The following FBXL5 variants were observed in gnomAD, a reference collection of about 807,000 sequenced individuals.
FBXL5 encodes the protein F-box and leucine rich repeat protein 5, also known as F-box/LRR-repeat protein 5.
In FBXL5, 26 loss-of-function variants were observed where a neutral mutation model predicts 78.3. The observed-to-expected ratio is 0.33, with a 90% CI of 0.24 to 0.46. The LOEUF is 0.46. Among genes scored for constraint, FBXL5 ranks in the 20% least tolerant of loss-of-function variants. The probability of loss-of-function intolerance (pLI) is 1.00; values close to 1 mark genes in which losing one functional copy is unlikely to be tolerated. For synonymous variants in FBXL5, 295 were observed against 282.5 expected (o/e 1.04, Z -0.45); for missense variants, 710 against 829.2 (o/e 0.86, Z 1.77).
chr4:15,609,812 G>A (rs1722122071), intron 10 of FBXL5, among the ~76,000 whole-genome samples: 1 of 151,946 alleles, frequency 6.6e-6, no homozygotes, highest in Non-Finnish European at 1.5e-5. Context: ...GTCTTGCACT[G>A]TACTGGGCAC....
chr4:15,623,451 G>A (rs1712682995), intron 9 of FBXL5, among the ~76,000 whole-genome samples: 1 of 151,930 alleles, frequency 6.6e-6, no homozygotes, highest in Admixed American at 6.6e-5. Context: ...TGGTCATACT[G>A]AAAATGCAAA....
At chr4:15,606,049 C>G (rs921294295) in intron 10 of FBXL5, among the ~76,000 whole-genome samples, 1 of 152,034 alleles carries the variant, frequency 6.6e-6, no homozygotes, top group African/African-American at 2.4e-5. Context: ...TTAGCAACAA[C>G]TTACAATATA....
chr4:15,635,270 T>C (rs1220284151), intron 5 of FBXL5, among the ~76,000 whole-genome samples: 1 of 150,508 alleles, frequency 6.6e-6, no homozygotes, highest in Admixed American at 6.6e-5. Flanking sequence ...GAGGTGGAGG[T>C]TGCAGTGATC....
chr4:15,635,216 G>T (rs530790392), intron 5 of FBXL5, among the ~76,000 whole-genome samples: 1 of 151,276 alleles, frequency 6.6e-6, no homozygotes, highest in African/African-American at 2.4e-5. Flanking sequence ...GCCTGTAATC[G>T]CAGCTACTTG....
At chr4:15,629,120 G>GA (rs1577447520) in intron 6 of FBXL5, among the ~76,000 whole-genome samples, 2 of 151,764 alleles carry the variant, frequency 1.3e-5, no homozygotes, top group African/African-American at 4.8e-5. Flanking sequence ...CAGCCAAACC[G>GA]AAAAAAGCAC....
intron 5 of FBXL5, 37 bp from the exon 6 acceptor site, chr4:15,630,828 A>G (rs756816444): frequency 1.9e-6 from 3 of 1,599,104 alleles, no homozygotes; most frequent in East Asian, 2.2e-5. Context: ...GTTCAAAATA[A>G]TATCAGATTG....
chr4:15,659,742 T>C, upstream of FBXL5: 1 of 984,880 alleles, frequency 1.0e-6, no homozygotes, highest in Non-Finnish European at 1.2e-6. Flanking sequence ...GTCATTTACC[T>C]CTTAGTAAAT....
intron 10 of FBXL5, among the ~76,000 whole-genome samples, chr4:15,608,440 T>C (rs1287794081): frequency 6.6e-6 from 1 of 151,722 alleles, no homozygotes; most frequent in Non-Finnish European, 1.5e-5. Context: ...GCAGAGATAA[T>C]GGGGGAAGAA....
chr4:15,639,710 A>C (rs937591774), intron 3 of FBXL5, among the ~76,000 whole-genome samples: 1 of 152,222 alleles, frequency 6.6e-6, no homozygotes, highest in Non-Finnish European at 1.5e-5. Context: ...TATTACAATG[A>C]GTTGGGGGGC....
upstream of FBXL5, among the ~76,000 whole-genome samples, chr4:15,664,749 A>G (rs12644655): frequency 0.63 from 95,133 of 151,146 alleles, 30,054 homozygotes; most frequent in Non-Finnish European, 0.65. Flanking sequence ...AGTAGAGGCG[A>G]GGTTTCACCA....
intron 8 of FBXL5, among the ~76,000 whole-genome samples, chr4:15,626,419 T>C (rs925069119): frequency 2.6e-5 from 4 of 152,050 alleles, no homozygotes; most frequent in African/African-American, 4.8e-5. Context: ...ATATAAATAG[T>C]TGGGTGGGAA....
intron 5 of FBXL5, among the ~76,000 whole-genome samples, chr4:15,631,402 G>A (rs1321457890): frequency 1.3e-5 from 2 of 152,228 alleles, no homozygotes; most frequent in African/African-American, 2.4e-5. Flanking sequence ...CTTTATAGTA[G>A]CATAATTTAT....
At chr4:15,638,248 G>T (rs930353407) in intron 4 of FBXL5, among the ~76,000 whole-genome samples, 1 of 152,104 alleles carries the variant, frequency 6.6e-6, no homozygotes, top group South Asian at 2.1e-4. Context: ...CAATAATTTT[G>T]ATTCATTCAT....
At chr4:15,631,286 ATG>A (rs1713630179) in intron 5 of FBXL5, among the ~76,000 whole-genome samples, 1 of 152,198 alleles carries the variant, frequency 6.6e-6, no homozygotes, top group Admixed American at 6.5e-5. Context: ...CATGGTGTAT[ATG>A]TGCCACATTT....
At chr4:15,652,610 T>C (rs1473152329) in intron 1 of FBXL5, among the ~76,000 whole-genome samples, 1 of 152,200 alleles carries the variant, frequency 6.6e-6, no homozygotes, top group African/African-American at 2.4e-5. Context: ...TCTCATCCTA[T>C]TCACCTTTAT....
chr4:15,664,550 C>CTTTTTT (rs35319145), upstream of FBXL5, among the ~76,000 whole-genome samples: 31 of 75,518 alleles, frequency 4.1e-4, no homozygotes, highest in South Asian at 5.6e-4. Context: ...GGCCCTCATC[C>CTTTTTT]TTTTTTTTTT....
chr4:15,666,957 A>G (rs1717572634), intron 1 of FBXL5, among the ~76,000 whole-genome samples: 1 of 152,198 alleles, frequency 6.6e-6, no homozygotes, highest in East Asian at 1.9e-4. Context: ...ATATCAAAAC[A>G]TCACATTGTA....
chr4:15,613,156 C>T (rs1236912931), intron 9 of FBXL5, among the ~76,000 whole-genome samples: 1 of 151,988 alleles, frequency 6.6e-6, no homozygotes, highest in African/African-American at 2.4e-5. Flanking sequence ...TCCACAGAGA[C>T]ACCAAGTCGA....
At chr4:15,609,038 A>G (rs2148513966) in intron 10 of FBXL5, among the ~76,000 whole-genome samples, 1 of 152,316 alleles carries the variant, frequency 6.6e-6, no homozygotes, top group South Asian at 2.1e-4. Context: ...ACAACAGAAT[A>G]AATGGACAAC....
Sources: allele counts gnomAD v4.1 joint callset (sites outside exome capture counted in the v4.1 genomes callset), GRCh38; gene constraint gnomAD v4.1.1; transcripts MANE v1.5; gene names NCBI Gene and HGNC (gene_info 2026-07-23, HGNC 2026-07-21).